PCDHGA11: variants seen among roughly 807,000 people sequenced by gnomAD.
PCDHGA11 encodes protocadherin gamma subfamily A, 11, also known as protocadherin gamma-A11.
PCDHGA11 carries 39 observed loss-of-function variants against 60.4 expected under a neutral mutation model. The ratio of observed to expected loss-of-function variants is 0.65; its 90% CI spans 0.50 to 0.84. PCDHGA11 has a LOEUF of 0.84. Ranked by LOEUF, PCDHGA11 falls within the 40% of genes least tolerant of loss-of-function variation. PCDHGA11 has a pLI of 0.00. For synonymous variants in PCDHGA11, 533 were observed against 510.3 expected (o/e 1.04, Z -0.60); for missense variants, 1,165 against 1,197.7 (o/e 0.97, Z 0.40).
At chr5:141,467,571 A>G (rs1228156610) in intron 1 of PCDHGA11, among the ~76,000 whole-genome samples, 1 of 152,212 alleles carries the variant, frequency 6.6e-6, no homozygotes, top group South Asian at 2.1e-4. Flanking sequence ...ATGGCTATCC[A>G]GTTGTCCCAA....
intron 1 of PCDHGA11, chr5:141,479,563 G>A (rs1469231382): frequency 2.6e-5 from 4 of 152,206 alleles, no homozygotes; most frequent in Admixed American, 2.0e-4. Context: ...ATCCAGTAGT[G>A]GGATGACATC....
intron 1 of PCDHGA11, among the ~76,000 whole-genome samples, chr5:141,452,267 G>C (rs995249228): frequency 1.3e-5 from 2 of 151,882 alleles, no homozygotes; most frequent in Non-Finnish European, 2.9e-5. Context: ...TCATTTTCTT[G>C]AACCCTTTCT....
Position 141,423,141 on chromosome 5 carries a change from G to A in PCDHGA11, c.1914G>A (p.Ala638=). 6.2e-7 allele frequency: 1 copy of A among 1,613,580 alleles called. No homozygotes were observed. The highest frequency in any genetic ancestry group is 8.5e-7 in the Non-Finnish European group (1 of 1,179,920). Reference sequence around the variant, plus strand: ...CGCGGGCACTGCTGGACAGAGACGCGCTCAAGCAGAGCCTCGTGGTGGCCG... The same window carrying A: ...CGCGGGCACTGCTGGACAGAGACGCACTCAAGCAGAGCCTCGTGGTGGCCG... ...RTARALLDRD[A]LKQSLVVAVQ... Residue 638 remains alanine (A), a synonymous_variant, in exon 1 of 4, where the codon GCG becomes GCA. Transcript: ENST00000398587.
intron 1 of PCDHGA11, among the ~76,000 whole-genome samples, chr5:141,457,440 A>G (rs188608086): frequency 3.9e-5 from 6 of 152,334 alleles, no homozygotes; most frequent in Non-Finnish European, 8.8e-5. Flanking sequence ...ACCAAGCTGC[A>G]GAAGATCACC....
intron 1 of PCDHGA11, among the ~76,000 whole-genome samples, chr5:141,436,292 G>T (rs2097808605): frequency 6.6e-6 from 1 of 152,158 alleles, no homozygotes; most frequent in Non-Finnish European, 1.5e-5. Context: ...ACAAATCATT[G>T]AGAGTTAGAG....
At chr5:141,438,591 CATATATAT>C (rs946798767) in intron 1 of PCDHGA11, among the ~76,000 whole-genome samples, 35 of 75,562 alleles carry the variant, frequency 4.6e-4, no homozygotes, top group South Asian at 1.0e-3. Flanking sequence ...TACATACATA[CATATATAT>C]ATATATATAT....
chr5:141,475,984 G>A, intron 1 of PCDHGA11: 2 of 1,069,308 alleles, frequency 1.9e-6, no homozygotes, highest in Non-Finnish European at 2.7e-6. Flanking sequence ...AACAGCCGGC[G>A]AGCAAATCAA....
intron 1 of PCDHGA11, among the ~76,000 whole-genome samples, chr5:141,472,402 G>A (rs569497172): frequency 8.5e-5 from 13 of 152,160 alleles, no homozygotes; most frequent in South Asian, 2.1e-4. Context: ...TTAGCCAGGC[G>A]TGGTGGCACG....
rs200580042 is a variant in PCDHGA11 at position 141,486,553 on chromosome 5, T to C, written c.2434-8254T>C. 5.4e-5 allele frequency: 87 copies of C among 1,614,028 alleles called. No individual in the cohort carries two copies. The highest frequency in any genetic ancestry group is 7.2e-5 in the Non-Finnish European group (85 of 1,180,046). On this transcript the variant is annotated intron_variant, in intron 1 of 3. Coordinates refer to ENST00000398587, the MANE Select transcript of PCDHGA11 (RefSeq NM_018914.3). The surrounding 1 kb of genome is among the most constrained non-coding windows in gnomAD (Gnocchi z 5.0). ...CACCCTCTTTCTTTCAGAGGTCACA[T>C]GAGGTGTTTGTTCCTGAGAACAATC...
rs766852982 is a variant in PCDHGA11, at chr5:141,486,907, A to G, written c.2434-7900A>G. ...CCCGGCCTGGTTCCTTATGTCCCCA[A>G]GCACTGCCTCCATCAGTTGGTGCTG... On this transcript the variant is annotated intron_variant, in intron 1 of 3. Coordinates refer to ENST00000398587, the MANE Select transcript of PCDHGA11 (RefSeq NM_018914.3). The surrounding 1 kb of genome is among the most constrained non-coding windows in gnomAD (Gnocchi z 5.0). 6.2e-5 allele frequency: 100 copies of G among 1,614,122 alleles called. No homozygotes were observed. The highest frequency in any genetic ancestry group is 8.0e-5 in the Non-Finnish European group (94 of 1,180,056).
chr5:141,485,866 C>T lies in PCDHGA11; in HGVS notation c.2434-8941C>T. The T allele has an allele frequency of 2.5e-6, 4 of 1,614,144 alleles. No individual in the cohort carries two copies. Among genetic ancestry groups the T allele is most frequent in the Non-Finnish European group, 3.4e-6 (4 of 1,180,014 alleles). On this transcript the variant is annotated intron_variant, in intron 1 of 3. Coordinates refer to ENST00000398587, the MANE Select transcript of PCDHGA11 (RefSeq NM_018914.3). The surrounding 1 kb of genome is among the most constrained non-coding windows in gnomAD (Gnocchi z 5.7). ...CTGGCACCGCAGAGCTCCGGGTATCCGTGCTGGACGTAAACGACAACGCCC... is the reference window on the plus strand; with the variant it reads ...CTGGCACCGCAGAGCTCCGGGTATCTGTGCTGGACGTAAACGACAACGCCC...
chr5:141,439,410 A>T (rs2098110832), intron 1 of PCDHGA11, among the ~76,000 whole-genome samples: 1 of 152,220 alleles, frequency 6.6e-6, no homozygotes, highest in African/African-American at 2.4e-5. Context: ...TGCTAACATC[A>T]CTGAGGTTAT....
chr5:141,431,003 G>T lies in PCDHGA11; in HGVS notation c.2433+7343G>T, dbSNP rs2097334899. ...GCTTTTCGCCCTGAATCCGCGCAGC[G>T]GCAGCTTGGTCACGGCGGGCAGGAT... On this transcript the variant is annotated intron_variant, in intron 1 of 3. Coordinates refer to ENST00000398587, the MANE Select transcript of PCDHGA11 (RefSeq NM_018914.3). This position sits in a 1 kb window ranked among gnomAD's most constrained non-coding sequence, Gnocchi z 4.8. 1.9e-6 allele frequency: 3 copies of T among 1,613,960 alleles called. No homozygotes were observed. The highest frequency in any genetic ancestry group is 2.5e-6 in the Non-Finnish European group (3 of 1,179,982).
chr5:141,500,051 C>A (rs991931153), intron 2 of PCDHGA11, among the ~76,000 whole-genome samples: 1 of 151,988 alleles, frequency 6.6e-6, no homozygotes, highest in Non-Finnish European at 1.5e-5. Context: ...TATCTTAATG[C>A]TCTTTTAATG....
intron 1 of PCDHGA11, chr5:141,475,971 C>T (rs750016455): frequency 2.1e-5 from 20 of 954,292 alleles, no homozygotes; most frequent in Non-Finnish European, 2.9e-5. Context: ...GAGGCAGAGA[C>T]TGAACAGCCG....
rs371130763 is a variant in PCDHGA11 at position 141,432,970 on chromosome 5, G to A, written c.2433+9310G>A. The A allele has an allele frequency of 5.0e-6, 8 of 1,613,996 alleles. No homozygotes were observed. Among genetic ancestry groups the A allele is most frequent in the East Asian group, 4.5e-5 (2 of 44,868 alleles). ...GAGGCGGCTTGACAGGAGCGCCGGC[G>A]TCGCACTTTGTGGGCGTGGACGGGG... On this transcript the variant is annotated intron_variant, in intron 1 of 3. Transcript: ENST00000398587. The surrounding 1 kb of genome is among the most constrained non-coding windows in gnomAD (Gnocchi z 6.0).
chr5:141,471,591 A>T (rs925105880), intron 1 of PCDHGA11: 1 of 152,294 alleles, frequency 6.6e-6, no homozygotes, highest in South Asian at 2.1e-4. Context: ...AGTAATTGAT[A>T]GTTTCAAAAT....
chr5:141,459,609 T>C (rs939880462), intron 1 of PCDHGA11, among the ~76,000 whole-genome samples: 1 of 152,230 alleles, frequency 6.6e-6, no homozygotes, highest in African/African-American at 2.4e-5. Context: ...AAGTATATGC[T>C]TAACTTTATA....
intron 2 of PCDHGA11, among the ~76,000 whole-genome samples, chr5:141,503,340 T>A (rs1394172617): frequency 6.6e-6 from 1 of 152,064 alleles, no homozygotes; most frequent in African/African-American, 2.4e-5. Flanking sequence ...CTCACGCCTG[T>A]AATTCCAGCA....
Sources: allele counts gnomAD v4.1 joint callset (sites outside exome capture counted in the v4.1 genomes callset), GRCh38; gene constraint gnomAD v4.1.1; non-coding constraint Gnocchi (gnomAD v3.1); transcripts MANE v1.5; gene names NCBI Gene and HGNC (gene_info 2026-07-23, HGNC 2026-07-21).